The following ARID2 variants were observed in gnomAD, a reference collection of about 807,000 sequenced individuals.
ARID2 encodes the protein AT-rich interaction domain 2.
ARID2 carries 32 observed loss-of-function variants against 184.6 expected under a neutral mutation model. That is an observed-to-expected ratio of 0.17 (90% CI 0.13 to 0.23). ARID2 has a LOEUF of 0.23. ARID2 is among the 10% of genes least tolerant of loss of function. The pLI is 1.00. For synonymous variants in ARID2, 836 were observed against 772.6 expected, an observed-to-expected ratio of 1.08 and a Z score of -1.36; for missense variants, 1,696 against 2,197.6, an observed-to-expected ratio of 0.77 and a Z score of 4.56.
chr12:45,802,612 G>C (rs1942528060), intron 3 of ARID2, among the ~76,000 whole-genome samples: 1 of 151,860 alleles, frequency 6.6e-6, no homozygotes, highest in African/African-American at 2.4e-5. Flanking sequence ...TGTTATCACA[G>C]GAAAGTTAGT....
At chr12:45,900,008 T>C (rs1343558288) in intron 20 of ARID2, among the ~76,000 whole-genome samples, 3 of 151,984 alleles carry the variant, frequency 2.0e-5, no homozygotes, top group Non-Finnish European at 4.4e-5. Context: ...TCAGATATTG[T>C]TGGATTGTTT....
chr12:45,743,164 C>T (rs746557375), intron 3 of ARID2, among the ~76,000 whole-genome samples: 1 of 150,494 alleles, frequency 6.6e-6, no homozygotes, highest in Non-Finnish European at 1.5e-5. Context: ...CCAGCCTGGC[C>T]GAGATAGTGA....
At chr12:45,863,874 C>G (rs2138196003) in intron 16 of ARID2, among the ~76,000 whole-genome samples, 1 of 130,164 alleles carries the variant, frequency 7.7e-6, no homozygotes, top group Admixed American at 8.5e-5. Context: ...TTTTGAGACA[C>G]AGTCTCACTA....
At chr12:45,887,507 T>A (rs1944214117) in intron 16 of ARID2, among the ~76,000 whole-genome samples, 1 of 152,066 alleles carries the variant, frequency 6.6e-6, no homozygotes, top group Non-Finnish European at 1.5e-5. Flanking sequence ...AGGGGATAAT[T>A]TAGGAAGAAA....
intron 16 of ARID2, among the ~76,000 whole-genome samples, chr12:45,868,978 G>A (rs1053345739): frequency 6.6e-6 from 1 of 151,792 alleles, no homozygotes; most frequent in Non-Finnish European, 1.5e-5. Flanking sequence ...TTTATTTCTC[G>A]AGATTGCCAA....
chr12:45,766,962 C>CT (rs914573734), intron 3 of ARID2, among the ~76,000 whole-genome samples: 4 of 151,970 alleles, frequency 2.6e-5, no homozygotes, highest in African/African-American at 9.7e-5. Flanking sequence ...GAGCGAAACT[C>CT]TGTCTCAAAA....
chr12:45,877,396 A>G (rs1055555879), intron 16 of ARID2, among the ~76,000 whole-genome samples: 2 of 151,806 alleles, frequency 1.3e-5, no homozygotes, highest in African/African-American at 2.4e-5. Context: ...GCTCCTTATG[A>G]GAACCTAATG....
intron 5 of ARID2, among the ~76,000 whole-genome samples, chr12:45,819,190 A>C (rs1243058420): frequency 6.6e-6 from 1 of 152,294 alleles, no homozygotes. Context: ...TTACATGTAA[A>C]TAATTTAAGT....
chr12:45,825,935 T>G (rs984530242), intron 6 of ARID2, among the ~76,000 whole-genome samples: 1 of 152,096 alleles, frequency 6.6e-6, no homozygotes, highest in Admixed American at 6.6e-5. Flanking sequence ...TTTTTGTAGA[T>G]TTTAGATGTT....
rs1208919400 is a variant in ARID2 at position 45,730,442 on chromosome 12, G to A, written c.186+305G>A. 4.7e-5 allele frequency among the ~76,000 whole-genome samples: 7 copies of A among 147,830 alleles called. No individual in the cohort carries two copies. In the South Asian group the frequency reaches 1.2e-3, roughly 26 times the overall value. On this transcript the variant is annotated intron_variant, in intron 2 of 20. Transcript: ENST00000334344. ...GCGGCGGGGAATGCGGGCGTGCGGGGCGCCAGCCTGAGCCCCGCGCCCGCC... is the reference window on the plus strand; with the variant it reads ...GCGGCGGGGAATGCGGGCGTGCGGGACGCCAGCCTGAGCCCCGCGCCCGCC...
At chr12:45,758,439 T>C (rs1049943458) in intron 3 of ARID2, among the ~76,000 whole-genome samples, 1 of 151,912 alleles carries the variant, frequency 6.6e-6, no homozygotes, top group African/African-American at 2.4e-5. Context: ...GTTTTATGTG[T>C]CGCCTAAGGC....
chr12:45,902,814 T>A (rs1174744892), intron 20 of ARID2, among the ~76,000 whole-genome samples: 1 of 152,174 alleles, frequency 6.6e-6, no homozygotes, highest in East Asian at 1.9e-4. Context: ...AAGCGTTTTG[T>A]AAATTTTTAA....
chr12:45,735,236 A>G (rs550547418), intron 3 of ARID2, among the ~76,000 whole-genome samples: 98 of 152,280 alleles, frequency 6.4e-4, no homozygotes, highest in Middle Eastern at 3.4e-3. Context: ...ATATAGATCA[A>G]TTCTTTTAAG....
chr12:45,731,674 A>G (rs1053349534), intron 3 of ARID2, among the ~76,000 whole-genome samples: 24 of 152,114 alleles, frequency 1.6e-4, no homozygotes, highest in African/African-American at 5.8e-4. Flanking sequence ...AACCTTTGGG[A>G]AAATTTTTTT....
chr12:45,765,442 C>T (rs1941754431), intron 3 of ARID2, among the ~76,000 whole-genome samples: 1 of 151,422 alleles, frequency 6.6e-6, no homozygotes, highest in South Asian at 2.1e-4. Context: ...AATTCCTGGG[C>T]TCAAGTGATC....
At chr12:45,892,346 C>T (rs1944311774) in intron 18 of ARID2, among the ~76,000 whole-genome samples, 1 of 152,116 alleles carries the variant, frequency 6.6e-6, no homozygotes, top group Non-Finnish European at 1.5e-5. Flanking sequence ...GTAGACTAGT[C>T]AGTCATTGGA....
intron 16 of ARID2, among the ~76,000 whole-genome samples, chr12:45,878,020 A>T (rs1237335185): frequency 1.3e-5 from 2 of 152,210 alleles, no homozygotes; most frequent in Non-Finnish European, 2.9e-5. Context: ...GTGGATGTTT[A>T]TCTTTCAACA....
At chr12:45,757,136 A>G (rs935865773) in intron 3 of ARID2, among the ~76,000 whole-genome samples, 6 of 152,170 alleles carry the variant, frequency 3.9e-5, no homozygotes, top group African/African-American at 7.2e-5. Context: ...TCATTGTACA[A>G]TTTTGGATGA....
chr12:45,893,387 TTCTCTCTC>T (rs138252675), intron 18 of ARID2, 25 bp from the exon 19 acceptor site: 22 of 1,464,032 alleles, frequency 1.5e-5, no homozygotes, highest in South Asian at 7.4e-5. Flanking sequence ...ATCACGTTAA[TTCTCTCTC>T]TCTCTCTCTC....
Sources: gnomAD v4.1 joint callset for allele counts (sites outside exome capture counted in the v4.1 genomes callset) on GRCh38, gnomAD v4.1.1 for gene constraint, MANE v1.5 for transcripts, NCBI Gene and HGNC (gene_info 2026-07-23, HGNC 2026-07-21) for gene names.